PBLD: variants seen among roughly 807,000 people sequenced by gnomAD.
PBLD encodes the protein phenazine biosynthesis like protein domain containing.
PBLD carries 26 observed loss-of-function variants against 31.3 expected under a neutral mutation model. The observed-to-expected ratio is 0.83, with a 90% CI of 0.61 to 1.15. PBLD has a LOEUF of 1.15. Among genes scored for constraint, PBLD ranks in the 50% most tolerant of loss-of-function variants. PBLD has a pLI of 0.00. For synonymous variants in PBLD, 114 were observed against 129.0 expected, an observed-to-expected ratio of 0.88 and a Z score of 0.79; for missense variants, 307 against 351.7, an observed-to-expected ratio of 0.87 and a Z score of 1.02.
chr10:68,304,161 A>C (rs2044545749), intron 2 of PBLD, among the ~76,000 whole-genome samples: 1 of 152,204 alleles, frequency 6.6e-6, no homozygotes. Flanking sequence ...AGGACAATGA[A>C]CCCAAGGGCA....
intron 1 of PBLD, among the ~76,000 whole-genome samples, chr10:68,313,873 T>C (rs1362824409): frequency 1.3e-5 from 2 of 152,186 alleles, no homozygotes; most frequent in African/African-American, 4.8e-5. Flanking sequence ...CCAAAAATTG[T>C]TTAGGTTCTT....
chr10:68,291,959 T>A (rs1329740206), intron 6 of PBLD, 51 bp downstream of exon 6: 1 of 1,503,346 alleles, frequency 6.7e-7, no homozygotes, highest in South Asian at 1.1e-5. Context: ...CAAATCTTTG[T>A]GTGCAAACAA....
chr10:68,290,698 C>G (rs1317674730), intron 6 of PBLD, among the ~76,000 whole-genome samples: 1 of 152,102 alleles, frequency 6.6e-6, no homozygotes, highest in African/African-American at 2.4e-5. Flanking sequence ...ACCTGGGCAA[C>G]AAGAGCAAAC....
intron 2 of PBLD, 98 bp downstream of exon 2, chr10:68,306,663 G>T: frequency 9.0e-7 from 1 of 1,113,620 alleles, no homozygotes; most frequent in Admixed American, 2.1e-5. Context: ...ACAAACCAAA[G>T]AGGTAAACAA....
Position 68,285,404 on chromosome 10 carries a change from G to A in PBLD, c.698C>T (p.Ala233Val), listed in dbSNP as rs1159077097. Residue 233 changes from alanine (A) to valine (V), a missense_variant, in exon 9 of 10, where the codon GCA becomes GTA. Physicochemically the swap from Ala to Val is moderately conservative, Grantham distance 64. Coordinates refer to ENST00000358769, the MANE Select transcript of PBLD (RefSeq NM_022129.4). ...GVAEDPVTGS[A>V]HAVLSSYWSQ... ...CCAGTAGCTGCTGAGAACAGCGTGT[G>A]CAGACCCTCAAAAGAAGTGAAAAGT... 16 of 1,601,404 alleles carry A rather than the reference G, an allele frequency of 1.0e-5. No individual in the cohort carries two copies. The highest frequency in any genetic ancestry group is 1.3e-5 in the African/African-American group (1 of 74,174).
intron 1 of PBLD, among the ~76,000 whole-genome samples, chr10:68,326,129 C>T (rs1476251584): frequency 2.0e-5 from 3 of 151,966 alleles, no homozygotes; most frequent in Admixed American, 6.6e-5. Flanking sequence ...AGCACAGTGG[C>T]GCAATTTCGG....
chr10:68,296,791 C>A, intron 3 of PBLD, 95 bp downstream of exon 3: 1 of 1,101,574 alleles, frequency 9.1e-7, no homozygotes, highest in Non-Finnish European at 1.4e-6. Context: ...ATTGCTTGAA[C>A]GCAGGAGGCG....
In PBLD at chr10:68,306,819, T is replaced by C. The variant is rs774440590; in HGVS notation, c.26A>G (p.Asp9Gly). The C allele has an allele frequency of 1.2e-6, 2 of 1,611,198 alleles. No homozygotes were observed. Among genetic ancestry groups the C allele is most frequent in the Non-Finnish European group, 1.7e-6 (2 of 1,177,914 alleles). Residue 9 changes from aspartate (D) to glycine (G), a missense_variant, in exon 2 of 10, where the codon GAT becomes GGT. Physicochemically the swap from Asp to Gly is moderately conservative, Grantham distance 94. Transcript: ENST00000358769. MKLPIFIA[D>G]AFTARAFRGN... ...ACGAAATGCTCTTGCTGTGAATGCATCTGCTATGAAAATAGGAAGCTTCAT... is the reference window on the plus strand; with the variant it reads ...ACGAAATGCTCTTGCTGTGAATGCACCTGCTATGAAAATAGGAAGCTTCAT...
At chr10:68,319,066 A>AGAAG (rs1554860587) in intron 1 of PBLD, among the ~76,000 whole-genome samples, 1 of 119,056 alleles carries the variant, frequency 8.4e-6, no homozygotes, top group Non-Finnish European at 1.7e-5. Context: ...AAAGAAAGAA[A>AGAAG]GAAAGAAAGA....
chr10:68,309,512 GA>G (rs2044632373), intron 1 of PBLD, among the ~76,000 whole-genome samples: 2 of 146,156 alleles, frequency 1.4e-5, no homozygotes, highest in Admixed American at 1.4e-4. Context: ...TTAGTTCTTT[GA>G]AAAAAATAAA....
intron 1 of PBLD, among the ~76,000 whole-genome samples, chr10:68,311,318 G>A (rs1194371695): frequency 1.3e-5 from 2 of 152,070 alleles, no homozygotes; most frequent in Middle Eastern, 3.2e-3. Flanking sequence ...CAGGCATGGT[G>A]GCTCATACCT....
At chr10:68,326,114 G>C (rs1053037627) in intron 1 of PBLD, among the ~76,000 whole-genome samples, 1 of 152,098 alleles carries the variant, frequency 6.6e-6, no homozygotes, top group African/African-American at 2.4e-5. Context: ...TGTTGCCGAG[G>C]TTGGAGCACA....
intron 1 of PBLD, among the ~76,000 whole-genome samples, chr10:68,317,006 C>T (rs1404164453): frequency 2.6e-5 from 4 of 151,954 alleles, no homozygotes; most frequent in South Asian, 4.1e-4. Context: ...GAGTAAGACT[C>T]CATCTCAAAA....
At chr10:68,307,645 G>A (rs935496563) in intron 1 of PBLD, among the ~76,000 whole-genome samples, 2 of 151,722 alleles carry the variant, frequency 1.3e-5, no homozygotes, top group East Asian at 1.9e-4. Context: ...GACTACAGGC[G>A]CCCGCCACTG....
At chr10:68,302,136 C>T (rs139829159) in intron 2 of PBLD, among the ~76,000 whole-genome samples, 438 of 152,302 alleles carry the variant, frequency 2.9e-3, no homozygotes, top group Non-Finnish European at 5.2e-3. Flanking sequence ...GCAATTTTTC[C>T]ATTTTACACT....
chr10:68,317,468 A>C (rs1477452395), intron 1 of PBLD, among the ~76,000 whole-genome samples: 1 of 152,198 alleles, frequency 6.6e-6, no homozygotes, highest in East Asian at 1.9e-4. Context: ...CCACAATGAG[A>C]CATCATCTCA....
chr10:68,332,667 G>C (rs989208255), intron 1 of PBLD, 117 bp downstream of exon 1: 32 of 152,388 alleles, frequency 2.1e-4, no homozygotes, highest in African/African-American at 7.7e-4. Context: ...GGGAAAGGCC[G>C]GGCAGTTGGG....
At chr10:68,324,280 G>A (rs892898200) in intron 1 of PBLD, among the ~76,000 whole-genome samples, 1 of 151,828 alleles carries the variant, frequency 6.6e-6, no homozygotes, top group Admixed American at 6.6e-5. Flanking sequence ...GGGTTCAAGC[G>A]ATTCTCCTGC....
At chr10:68,288,836 T>A (rs2044320367) in intron 7 of PBLD, 95 bp downstream of exon 7, 7 of 1,342,040 alleles carry the variant, frequency 5.2e-6, no homozygotes, top group African/African-American at 1.5e-5. Flanking sequence ...GCGTAAATCA[T>A]GGTTTGACTG....
Sources: allele counts gnomAD v4.1 joint callset (sites outside exome capture counted in the v4.1 genomes callset), GRCh38; gene constraint gnomAD v4.1.1; transcripts MANE v1.5; gene names NCBI Gene and HGNC (gene_info 2026-07-23, HGNC 2026-07-21).